PIK3C2G: variants seen among roughly 807,000 people sequenced by gnomAD.
PIK3C2G encodes the protein phosphatidylinositol-4-phosphate 3-kinase catalytic subunit type 2 gamma, also known as phosphatidylinositol 3-kinase C2 domain-containing subunit gamma.
Under a neutral mutation model 181.1 loss-of-function variants are expected in PIK3C2G, and 168 were observed. The observed-to-expected ratio is 0.93, with a 90% confidence interval of 0.82 to 1.05. PIK3C2G has a LOEUF of 1.05. PIK3C2G is among the 50% of genes least tolerant of loss of function. The pLI, the probability that PIK3C2G is intolerant of heterozygous loss-of-function variation, is 0.00. For synonymous variants in PIK3C2G, 573 were observed against 592.2 expected (o/e 0.97, Z 0.47); for missense variants, 1,869 against 1,732.8 (o/e 1.08, Z -1.40).
the PIK3C2G span, among the ~76,000 whole-genome samples, chr12:18,675,344 G>T: frequency 6.6e-6 from 1 of 152,068 alleles, no homozygotes; most frequent in Non-Finnish European, 1.5e-5. Flanking sequence ...CATTATAGAA[G>T]TCTAGGTACA....
chr12:18,258,257 A>G (rs375811076), upstream of PIK3C2G, among the ~76,000 whole-genome samples: 25 of 150,018 alleles, frequency 1.7e-4, no homozygotes, highest in African/African-American at 5.6e-4. Flanking sequence ...GCTAATTACT[A>G]TATACATTAC....
intron 24 of PIK3C2G, among the ~76,000 whole-genome samples, chr12:18,515,914 A>G (rs1942506304): frequency 6.6e-6 from 1 of 151,970 alleles, no homozygotes; most frequent in Non-Finnish European, 1.5e-5. Context: ...TTGTGTTTCC[A>G]TTTGAACTTG....
intron 22 of PIK3C2G, among the ~76,000 whole-genome samples, chr12:18,500,897 C>T (rs1351741614): frequency 6.6e-6 from 1 of 152,148 alleles, no homozygotes; most frequent in Non-Finnish European, 1.5e-5. Context: ...AGGTCTGTAG[C>T]TTCACTCCTG....
At chr12:18,693,976 A>G in the PIK3C2G span, 2 of 1,508,546 alleles carry the variant, frequency 1.3e-6, no homozygotes, top group South Asian at 2.3e-5. Context: ...CAGTCTGTAC[A>G]GAAGCTGGTC....
rs564844674 is a variant in PIK3C2G at position 18,594,499 on chromosome 12, T to C, written c.4017T>C (p.Asp1339=). The C allele has an allele frequency of 2.1e-5, 33 of 1,548,328 alleles. No individual in the cohort carries two copies. The South Asian group carries it at 3.8e-4, about 18-fold the overall frequency. ...TGTTTCATTTTGTTTTTCAGAGTGATTGTGTACTTAGCTTTTTCCTCTCTG... is the reference window on the plus strand; with the variant it reads ...TGTTTCATTTTGTTTTTCAGAGTGACTGTGTACTTAGCTTTTTCCTCTCTG... ...LNVSHEVTNS[D]CVLSFFLSEA... The change falls in exon 30 of 33, where the codon GAT becomes GAC. Residue 1339 remains aspartate (D), a synonymous_variant. Coordinates refer to ENST00000538779, the MANE Select transcript of PIK3C2G (RefSeq NM_001288772.2).
At chr12:18,548,413 A>C (rs1041874251) in intron 26 of PIK3C2G, among the ~76,000 whole-genome samples, 2 of 152,036 alleles carry the variant, frequency 1.3e-5, no homozygotes, top group Admixed American at 6.6e-5. Context: ...AAGTTCTTTC[A>C]GGCCCTGGCC....
At chr12:18,338,690 T>TGC in intron 9 of PIK3C2G, 142 bp downstream of exon 9, 1 of 611,600 alleles carries the variant, frequency 1.6e-6, no homozygotes, top group Non-Finnish European at 2.9e-6. Context: ...TGTGTGTGTG[T>TGC]GTGTGTGTGT....
At position 18,391,249 on chromosome 12, in the gene PIK3C2G, TACTGTAAGTG is replaced by T; in HGVS notation, c.2126_2126+9del. 6.4e-7 allele frequency: 1 copy of T among 1,571,898 alleles called. No homozygotes were observed. The highest frequency in any genetic ancestry group is 1.4e-5 in the African/African-American group (1 of 72,972). ...AGACTTTCACAGAAACAGACTCCCC[TACTGTAAGTG>T]ACCTAGGTCTTGTGAATGAATTTTT... On this transcript the variant is annotated splice_donor_variant and splice_donor_5th_base_variant and coding_sequence_variant and intron_variant, in exon 15 of 33. Coordinates refer to ENST00000538779, the MANE Select transcript of PIK3C2G (RefSeq NM_001288772.2). LOFTEE classifies it high-confidence loss of function.
At chr12:18,363,376 TC>T (rs1366409678) in intron 12 of PIK3C2G, among the ~76,000 whole-genome samples, 1 of 152,134 alleles carries the variant, frequency 6.6e-6, no homozygotes, top group African/African-American at 2.4e-5. Flanking sequence ...GGCTCCCACT[TC>T]CTTCTTCTGT....
chr12:18,392,944 C>T (rs1171598251), intron 15 of PIK3C2G, among the ~76,000 whole-genome samples: 2 of 152,026 alleles, frequency 1.3e-5, no homozygotes, highest in African/African-American at 4.8e-5. Context: ...CATTGTCATA[C>T]TAGACTATTG....
the PIK3C2G span, among the ~76,000 whole-genome samples, chr12:18,711,389 TG>T: frequency 2.5e-5 from 1 of 40,164 alleles, no homozygotes; most frequent in Non-Finnish European, 4.2e-5. Context: ...TGTTGTGGGG[TG>T]GGGGGAGGGG....
Position 18,282,354 on chromosome 12 carries a change from T to C in PIK3C2G, c.273T>C (p.Ser91=). 6.2e-7 allele frequency: 1 copy of C among 1,613,746 alleles called. No individual in the cohort carries two copies. Among genetic ancestry groups the C allele is most frequent in the Non-Finnish European group, 8.5e-7 (1 of 1,179,738 alleles). ...AAATATCCTTGAATGAATTCACTTC[T>C]AAAAGCCGTGAACTCTCCTGGCATC... ...AHQISLNEFT[S]KSRELSWHQV... is the part of the protein sequence containing the mutation. The change falls in exon 2 of 33, where the codon TCT becomes TCC. Residue 91 remains serine, a synonymous_variant. Transcript: ENST00000538779.
At chr12:18,553,543 G>A (rs921789943) in intron 26 of PIK3C2G, among the ~76,000 whole-genome samples, 19 of 152,056 alleles carry the variant, frequency 1.2e-4, no homozygotes, top group African/African-American at 3.4e-4. Context: ...TGACATTTAC[G>A]TAAGACTAGC....
chr12:18,646,767 A>G (rs778203204), intron 32 of PIK3C2G, among the ~76,000 whole-genome samples: 17 of 152,056 alleles, frequency 1.1e-4, no homozygotes, highest in Non-Finnish European at 2.1e-4. Context: ...CCAGATTTCC[A>G]CTCAGCTCTC....
At chr12:18,665,191 A>G in the PIK3C2G span, among the ~76,000 whole-genome samples, 1 of 151,474 alleles carries the variant, frequency 6.6e-6, no homozygotes, top group East Asian at 1.9e-4. Flanking sequence ...TAAAAAAAAT[A>G]AGAACAAAGA....
At chr12:18,381,488 A>G (rs1942830285) in intron 13 of PIK3C2G, among the ~76,000 whole-genome samples, 1 of 152,200 alleles carries the variant, frequency 6.6e-6, no homozygotes, top group Non-Finnish European at 1.5e-5. Flanking sequence ...GCAATTAAAA[A>G]TAAATGCTAC....
At chr12:18,621,777 A>T (rs926112475) in intron 31 of PIK3C2G, among the ~76,000 whole-genome samples, 4 of 151,782 alleles carry the variant, frequency 2.6e-5, no homozygotes, top group Non-Finnish European at 4.4e-5. Context: ...TTATCATAAG[A>T]TTCTTGTTAC....
the PIK3C2G span, among the ~76,000 whole-genome samples, chr12:18,689,520 A>G: frequency 6.6e-6 from 1 of 152,146 alleles, no homozygotes; most frequent in East Asian, 1.9e-4. Context: ...CTCTTCTTCC[A>G]ACGTGGCCCA....
chr12:18,666,588 GAAGA>G, the PIK3C2G span, among the ~76,000 whole-genome samples: 1 of 152,014 alleles, frequency 6.6e-6, no homozygotes, highest in Non-Finnish European at 1.5e-5. Flanking sequence ...TGACAGAATT[GAAGA>G]AAGAAACAGA....
Sources: gnomAD v4.1 joint callset for allele counts (sites outside exome capture counted in the v4.1 genomes callset) on GRCh38, gnomAD v4.1.1 for gene constraint, MANE v1.5 for transcripts, NCBI Gene and HGNC (gene_info 2026-07-23, HGNC 2026-07-21) for gene names.